The following C19orf38 variants were observed in gnomAD, a reference collection of about 807,000 sequenced individuals.
C19orf38 encodes chromosome 19 open reading frame 38.
A neutral mutation model predicts 26.6 loss-of-function variants in C19orf38; 14 were observed. The observed-to-expected ratio is 0.53, with a 90% CI of 0.35 to 0.82. The LOEUF is 0.82. Ranked by LOEUF, C19orf38 falls within the 40% of genes least tolerant of loss-of-function variation. C19orf38 has a pLI of 0.01. For synonymous variants in C19orf38, 132 were observed against 128.5 expected, an observed-to-expected ratio of 1.03 and a Z score of -0.18; for missense variants, 261 against 299.5, an observed-to-expected ratio of 0.87 and a Z score of 0.95.
intron 1 of C19orf38, among the ~76,000 whole-genome samples, chr19:10,839,653 G>A (rs191849689): frequency 1.3e-5 from 2 of 151,330 alleles, no homozygotes; most frequent in Non-Finnish European, 2.9e-5. Context: ...GTTAGACCAT[G>A]TATCAATATT....
chr19:10,865,421 A>G (rs563181627), intron 6 of C19orf38, among the ~76,000 whole-genome samples: 5 of 151,964 alleles, frequency 3.3e-5, no homozygotes, highest in Admixed American at 3.3e-4. Flanking sequence ...TGCTGGGATT[A>G]CAGGCATGAG....
chr19:10,867,980 A>G (rs1453951382), intron 6 of C19orf38, among the ~76,000 whole-genome samples: 1 of 151,906 alleles, frequency 6.6e-6, no homozygotes, highest in Non-Finnish European at 1.5e-5. Context: ...GCTGAATCAT[A>G]TTGTGTTGTA....
intron 5 of C19orf38, 43 bp downstream of exon 5, chr19:10,860,001 C>T (rs370057664): frequency 3.2e-5 from 49 of 1,524,482 alleles, no homozygotes; most frequent in Non-Finnish European, 4.1e-5. Context: ...GAAAGGATTA[C>T]ACCTCCAAAT....
At chr19:10,866,443 T>C (rs1479723319) in intron 6 of C19orf38, among the ~76,000 whole-genome samples, 2 of 148,976 alleles carry the variant, frequency 1.3e-5, no homozygotes, top group Admixed American at 6.9e-5. Flanking sequence ...TGACCTCAAA[T>C]GATCCACCTG....
intron 6 of C19orf38, among the ~76,000 whole-genome samples, chr19:10,866,168 G>T (rs947419784): frequency 1.3e-5 from 2 of 150,720 alleles, no homozygotes; most frequent in Admixed American, 6.6e-5. Context: ...CTCCCAAGTA[G>T]CTGGGATTAT....
intron 3 of C19orf38, among the ~76,000 whole-genome samples, chr19:10,856,942 G>A (rs1199013405): frequency 6.6e-6 from 1 of 151,510 alleles, no homozygotes; most frequent in Admixed American, 6.6e-5. Flanking sequence ...GACCACAGGT[G>A]CGTGCCACCA....
At chr19:10,841,183 A>C (rs1406031436) in intron 1 of C19orf38, among the ~76,000 whole-genome samples, 1 of 152,062 alleles carries the variant, frequency 6.6e-6, no homozygotes, top group Non-Finnish European at 1.5e-5. Context: ...GAAACAAAAA[A>C]ACTTCTCTAG....
intron 1 of C19orf38, among the ~76,000 whole-genome samples, chr19:10,838,456 A>G (rs567737926): frequency 1.9e-4 from 29 of 152,190 alleles, no homozygotes; most frequent in Non-Finnish European, 3.5e-4. Context: ...ATTCAGTGGC[A>G]TTTAGTACAT....
intron 6 of C19orf38, among the ~76,000 whole-genome samples, chr19:10,867,778 A>C (rs1051987551): frequency 6.8e-6 from 1 of 146,620 alleles, no homozygotes; most frequent in Non-Finnish European, 1.5e-5. Context: ...TCAGCTTCCC[A>C]AGTAGCTGGG....
intron 3 of C19orf38, 88 bp downstream of exon 3, chr19:10,856,445 T>A: frequency 9.4e-7 from 1 of 1,063,266 alleles, no homozygotes; most frequent in Non-Finnish European, 1.4e-6. Flanking sequence ...CTCACACCAT[T>A]TTGTTTTCAG....
At chr19:10,867,451 A>C (rs2073762789) in intron 6 of C19orf38, among the ~76,000 whole-genome samples, 1 of 110,634 alleles carries the variant, frequency 9.0e-6, no homozygotes. Flanking sequence ...CTAAAACTAC[A>C]AAAAAAAAAA....
intron 3 of C19orf38, among the ~76,000 whole-genome samples, chr19:10,858,055 C>G (rs556943755): frequency 6.6e-6 from 1 of 151,442 alleles, no homozygotes; most frequent in Admixed American, 6.6e-5. Context: ...CATGACGAAC[C>G]CTCTTCTCTA....
chr19:10,842,226 C>T (rs1599654252), intron 1 of C19orf38: 1 of 1,227,276 alleles, frequency 8.1e-7, no homozygotes, highest in East Asian at 2.3e-5. Context: ...ATGACTACCA[C>T]AGAACCATCT....
At chr19:10,843,877 G>A (rs1341930383), upstream of C19orf38, among the ~76,000 whole-genome samples, 1 of 152,126 alleles carries the variant, frequency 6.6e-6, no homozygotes, top group Non-Finnish European at 1.5e-5. Flanking sequence ...CCAACACTTC[G>A]GGAGGTGGGC....
rs140065752 is a variant in C19orf38 at position 10,861,027 on chromosome 19, C to T, written c.505+1069C>T. ...GCATGGTGGCGTGTTCCTGTAGTCCCAGCTACTTGGGAGGCTGAGACAGGA... is the reference window on the plus strand; with the variant it reads ...GCATGGTGGCGTGTTCCTGTAGTCCTAGCTACTTGGGAGGCTGAGACAGGA... On this transcript the variant is annotated intron_variant, in intron 5 of 6. Transcript: ENST00000397820. Among the ~76,000 whole-genome samples, 270 of 151,844 alleles carry T rather than the reference C, an allele frequency of 1.8e-3. 1 individual carries two copies. Among genetic ancestry groups the T allele is most frequent in the African/African-American group, 6.3e-3 (259 of 41,376 alleles).
chr19:10,838,030 C>T (rs749014940), intron 1 of C19orf38, among the ~76,000 whole-genome samples: 2 of 152,154 alleles, frequency 1.3e-5, no homozygotes, highest in Non-Finnish European at 2.9e-5. Flanking sequence ...GGGCTCAAGC[C>T]ATCTGCCTGC....
At chr19:10,852,136 A>G (rs1328487648) in intron 2 of C19orf38, among the ~76,000 whole-genome samples, 1 of 151,680 alleles carries the variant, frequency 6.6e-6, no homozygotes, top group Non-Finnish European at 1.5e-5. Context: ...TGGGTGACAG[A>G]GCAAGATTCT....
chr19:10,861,898 TTTTG>T (rs1333509364), intron 5 of C19orf38, among the ~76,000 whole-genome samples: 2 of 151,496 alleles, frequency 1.3e-5, no homozygotes, highest in East Asian at 1.9e-4. Flanking sequence ...TGTTGTTGTT[TTTTG>T]TTTGTTTTTG....
upstream of C19orf38, among the ~76,000 whole-genome samples, chr19:10,844,920 G>A (rs1193605389): frequency 2.0e-5 from 3 of 150,678 alleles, no homozygotes; most frequent in Non-Finnish European, 4.4e-5. Flanking sequence ...CACTTTGGGA[G>A]CCCAAGGTGG....
Sources: allele counts gnomAD v4.1 joint callset (sites outside exome capture counted in the v4.1 genomes callset), GRCh38; gene constraint gnomAD v4.1.1; transcripts MANE v1.5; gene names NCBI Gene and HGNC (gene_info 2026-07-23, HGNC 2026-07-21).